The following CAMSAP2 variants were observed in gnomAD, a reference collection of about 807,000 sequenced individuals.
CAMSAP2 encodes the protein calmodulin-regulated spectrin-associated protein 2.
Under a neutral mutation model 146.1 loss-of-function variants are expected in CAMSAP2, and 26 were observed. The ratio of observed to expected loss-of-function variants is 0.18; its 90% CI spans 0.13 to 0.25. The LOEUF (loss-of-function observed/expected upper bound fraction) is 0.25, where lower values mean the gene tolerates loss of function less well. Among genes scored for constraint, CAMSAP2 ranks in the 10% least tolerant of loss-of-function variants. The probability of loss-of-function intolerance (pLI) is 1.00; values close to 1 mark genes in which losing one functional copy is unlikely to be tolerated. For missense variants in CAMSAP2, 1,381 were observed against 1,759.3 expected, an observed-to-expected ratio of 0.78 and a Z score of 3.85; for synonymous variants, 499 against 596.6, an observed-to-expected ratio of 0.84 and a Z score of 2.38.
At chr1:200,816,745 CGCGTGT>C (rs1389436798) in intron 4 of CAMSAP2, among the ~76,000 whole-genome samples, 3 of 89,654 alleles carry the variant, frequency 3.3e-5, no homozygotes, top group East Asian at 6.0e-4. Context: ...TACACACACA[CGCGTGT>C]ATATATGTGT....
At chr1:200,809,531 G>A (rs1666270008) in intron 3 of CAMSAP2, among the ~76,000 whole-genome samples, 1 of 152,150 alleles carries the variant, frequency 6.6e-6, no homozygotes, top group African/African-American at 2.4e-5. Flanking sequence ...AGGAGTTCAA[G>A]ACCAGCCTGG....
chr1:200,787,257 A>G (rs1665620109), intron 2 of CAMSAP2, among the ~76,000 whole-genome samples: 1 of 152,242 alleles, frequency 6.6e-6, no homozygotes, highest in Admixed American at 6.5e-5. Flanking sequence ...GATCTGGGCA[A>G]AGTAAATTTA....
intron 4 of CAMSAP2, among the ~76,000 whole-genome samples, chr1:200,822,212 A>G (rs1666790840): frequency 1.3e-5 from 2 of 151,948 alleles, no homozygotes; most frequent in Non-Finnish European, 2.9e-5. Flanking sequence ...AAGGTTGCAT[A>G]TATCATGCCC....
intron 7 of CAMSAP2, 140 bp from the exon 8 acceptor site, chr1:200,844,642 G>A (rs1278049171): frequency 2.1e-6 from 1 of 467,730 alleles, no homozygotes. Context: ...AATTATTTAA[G>A]AAGAAAACTT....
intron 2 of CAMSAP2, among the ~76,000 whole-genome samples, chr1:200,780,264 G>A (rs1665395524): frequency 6.6e-6 from 1 of 152,180 alleles, no homozygotes; most frequent in Non-Finnish European, 1.5e-5. Flanking sequence ...AGAGGTCGAT[G>A]TTTTATGTGG....
chr1:200,791,630 A>T (rs1346822436), intron 2 of CAMSAP2, among the ~76,000 whole-genome samples: 1 of 152,168 alleles, frequency 6.6e-6, no homozygotes, highest in Non-Finnish European at 1.5e-5. Flanking sequence ...TGTTATATTT[A>T]CAGTCTTATT....
Position 200,853,402 on chromosome 1 carries a change from C to T in CAMSAP2, c.3730C>T (p.Arg1244Cys), listed in dbSNP as rs376538487. Residue 1244 changes from arginine to cysteine, a missense_variant, in exon 13 of 17, where the codon CGT becomes TGT. Arg to Cys is a radical substitution (Grantham distance 180). Coordinates refer to ENST00000358823, the MANE Select transcript of CAMSAP2 (RefSeq NM_203459.4). This position sits in a 1 kb window ranked among gnomAD's most constrained non-coding sequence, Gnocchi z 5.1. ...MEDMDTVIKP[R>C]PQVVKQKKQR... ...AGATATGGATACAGTAATTAAACCC[C>T]GTCCTCAAGTAGTAAAACAAAAAAA... 23 of 1,613,666 alleles carry T rather than the reference C, an allele frequency of 1.4e-5. No homozygotes were observed. The highest frequency in any genetic ancestry group is 1.9e-5 in the Non-Finnish European group (22 of 1,179,880).
At chr1:200,819,925 A>G (rs1372626515) in intron 4 of CAMSAP2, among the ~76,000 whole-genome samples, 7 of 152,182 alleles carry the variant, frequency 4.6e-5, no homozygotes, top group African/African-American at 1.2e-4. Flanking sequence ...TAGTGACACT[A>G]AGTCACAAGT....
rs555880360 is a variant in CAMSAP2 at position 200,770,662 on chromosome 1, C to T, written c.399+9564C>T. On this transcript the variant is annotated intron_variant, in intron 2 of 16. Transcript: ENST00000358823. ...GTCTCCTGACCTTGTGATCCACCCA[C>T]CTCGGCCTCCCAAAGTGCTGGGATT... 5.1e-4 allele frequency among the ~76,000 whole-genome samples: 77 copies of T among 152,274 alleles called. 1 individual carries two copies. Among genetic ancestry groups the T allele is most frequent in the African/African-American group, 1.8e-3 (75 of 41,546 alleles).
chr1:200,793,213 G>A lies in CAMSAP2; in HGVS notation c.400-14163G>A, dbSNP rs572136801. On this transcript the variant is annotated intron_variant, in intron 2 of 16. Transcript: ENST00000358823. ...CTTCAGTTTTCCTCATCTATAGTAA[G>A]CAATGATAATATTGTCTGCCTTATA... Among the ~76,000 whole-genome samples, 6 of 152,192 alleles carry A rather than the reference G, an allele frequency of 3.9e-5. No homozygotes were observed. The South Asian group carries it at 1.0e-3, about 26-fold the overall frequency.
At chr1:200,855,769 G>A (rs1667734456) in intron 14 of CAMSAP2, among the ~76,000 whole-genome samples, 1 of 151,898 alleles carries the variant, frequency 6.6e-6, no homozygotes, top group Non-Finnish European at 1.5e-5. Context: ...GCTAATTTTT[G>A]TATTTTTGGT....
chr1:200,739,690 C>T lies in CAMSAP2; in HGVS notation c.-138C>T, dbSNP rs569048552. The stretch of plus-strand genomic sequence containing the variant: ...CGCGGCGCGGACAGCTGAGCTTCTC[C>T]TCCGTCGGCGCCCGGGCGGACATCG... On this transcript the variant is annotated 5_prime_UTR_variant, in exon 1 of 17. Transcript: ENST00000358823. The surrounding 1 kb of genome is among the most constrained non-coding windows in gnomAD (Gnocchi z 4.8). 679 of 779,716 alleles carry T rather than the reference C, an allele frequency of 8.7e-4. 9 individuals are homozygous for T. The South Asian group carries it at 0.013, about 15-fold the overall frequency. The allele number at this position is 779,716 out of a possible 1,614,324, so 48.3% of individuals were successfully genotyped here.
At position 200,848,129 on chromosome 1, in the gene CAMSAP2, A is replaced by T. The variant is rs765429216; in HGVS notation, c.1360A>T (p.Asn454Tyr). ...PNRGITRSIS[N>Y]EGLTLNNSHV... ...CCGAGGAATCACTCGTTCTATTAGT[A>T]ATGAAGGACTTACTCTGAACAACAG... The change falls in exon 11 of 17, where the codon AAT becomes TAT. Residue 454 changes from asparagine to tyrosine, a missense_variant. Asn to Tyr is a moderately radical substitution (Grantham distance 143). Transcript: ENST00000358823. 1 of 1,612,796 alleles carries T rather than the reference A, an allele frequency of 6.2e-7. No individual in the cohort carries two copies. Among genetic ancestry groups the T allele is most frequent in the Non-Finnish European group, 8.5e-7 (1 of 1,179,274 alleles).
intron 4 of CAMSAP2, among the ~76,000 whole-genome samples, chr1:200,831,165 GC>G (rs1667032728): frequency 6.6e-6 from 1 of 152,072 alleles, no homozygotes; most frequent in Admixed American, 6.5e-5. Flanking sequence ...TATATATTTT[GC>G]TAGCAAAATA....
At chr1:200,840,110 T>C (rs1667278965) in intron 6 of CAMSAP2, among the ~76,000 whole-genome samples, 1 of 152,124 alleles carries the variant, frequency 6.6e-6, no homozygotes, top group Non-Finnish European at 1.5e-5. Context: ...TACTCCAGAC[T>C]CTTACACTCA....
intron 2 of CAMSAP2, among the ~76,000 whole-genome samples, chr1:200,797,224 T>C (rs1183347074): frequency 1.3e-5 from 2 of 150,928 alleles, no homozygotes; most frequent in African/African-American, 4.9e-5. Context: ...TTTCCAGTTC[T>C]AGATCCCTGA....
At position 200,852,629 on chromosome 1, in the gene CAMSAP2, G is replaced by A. The variant is rs765137413; in HGVS notation, c.3554G>A (p.Arg1185Gln). ...AGAAGGGAAAAGGAAACTCAGCTCC[G>A]GAAACAACAGTTGGAAGCAGAAATG... Reference protein sequence around the residue: ...RLRREKETQLRKQQLEAEMEH... With the variant: ...RLRREKETQLQKQQLEAEMEH... The change falls in exon 12 of 17, where the codon CGG (arginine) becomes CAG (glutamine). Residue 1185 changes from arginine to glutamine, a missense_variant. Coordinates refer to ENST00000358823, the MANE Select transcript of CAMSAP2 (RefSeq NM_203459.4). 8.1e-6 allele frequency: 13 copies of A among 1,613,752 alleles called. No individual in the cohort carries two copies. Among genetic ancestry groups the A allele is most frequent in the South Asian group, 2.2e-5 (2 of 91,048 alleles).
At position 200,848,115 on chromosome 1, in the gene CAMSAP2, C is replaced by T; in HGVS notation, c.1346C>T (p.Thr449Ile). Residue 449 changes from threonine (T) to isoleucine (I), a missense_variant, in exon 11 of 17, where the codon ACT becomes ATT. By Grantham distance (89) the Thr-to-Ile change is moderately conservative. Transcript: ENST00000358823. ...AGATCCACTCCAAACCGAGGAATCA[C>T]TCGTTCTATTAGTAATGAAGGACTT... Reference protein sequence around the residue: ...VQRSTPNRGITRSISNEGLTL... With the variant: ...VQRSTPNRGIIRSISNEGLTL... 1 of 1,610,654 alleles carries T rather than the reference C, an allele frequency of 6.2e-7. No individual in the cohort carries two copies. The highest frequency in any genetic ancestry group is 8.5e-7 in the Non-Finnish European group (1 of 1,178,092).
chr1:200,783,837 GA>G (rs1200906715), intron 2 of CAMSAP2, among the ~76,000 whole-genome samples: 1 of 152,060 alleles, frequency 6.6e-6, no homozygotes, highest in Non-Finnish European at 1.5e-5. Context: ...AAATTTTGAT[GA>G]AGACCAGTTT....
Sources: allele counts gnomAD v4.1 joint callset (sites outside exome capture counted in the v4.1 genomes callset), GRCh38; gene constraint gnomAD v4.1.1; non-coding constraint Gnocchi (gnomAD v3.1); transcripts MANE v1.5; gene names NCBI Gene and HGNC (gene_info 2026-07-23, HGNC 2026-07-21).